NCAM2: variants seen among roughly 807,000 people sequenced by gnomAD.
NCAM2 encodes the protein neural cell adhesion molecule 2.
A neutral mutation model predicts 98.1 loss-of-function variants in NCAM2; 30 were observed. That is an observed-to-expected ratio of 0.31 (90% confidence interval 0.23 to 0.41). The LOEUF is 0.41. Among genes scored for constraint, NCAM2 ranks in the 10% least tolerant of loss-of-function variants. The pLI is 1.00. For synonymous variants in NCAM2, 368 were observed against 342.4 expected, an observed-to-expected ratio of 1.07 and a Z score of -0.83; for missense variants, 867 against 1,005.8, an observed-to-expected ratio of 0.86 and a Z score of 1.87.
At chr21:21,078,484 C>A (rs1321524321) in intron 1 of NCAM2, among the ~76,000 whole-genome samples, 2 of 152,116 alleles carry the variant, frequency 1.3e-5, no homozygotes, top group Admixed American at 6.5e-5. Flanking sequence ...AACCACAATG[C>A]AATACCATTG....
chr21:21,164,646 A>G (rs2067894532), intron 1 of NCAM2, among the ~76,000 whole-genome samples: 1 of 152,230 alleles, frequency 6.6e-6, no homozygotes, highest in Non-Finnish European at 1.5e-5. Context: ...ACTTTTCTTC[A>G]GATTTTTTAA....
chr21:21,453,203 A>C (rs1032002444), intron 12 of NCAM2, among the ~76,000 whole-genome samples: 15 of 149,152 alleles, frequency 1.0e-4, no homozygotes, highest in Middle Eastern at 3.5e-3. Flanking sequence ...AAGTATGAAG[A>C]AAAATGAAGC....
At chr21:21,118,595 A>C (rs902512686) in intron 1 of NCAM2, among the ~76,000 whole-genome samples, 2 of 152,054 alleles carry the variant, frequency 1.3e-5, no homozygotes, top group African/African-American at 4.8e-5. Context: ...GTAACTCTTA[A>C]ACAAAGGGTA....
intron 1 of NCAM2, among the ~76,000 whole-genome samples, chr21:21,241,277 T>TA (rs1285198180): frequency 9.2e-5 from 14 of 151,784 alleles, no homozygotes; most frequent in Admixed American, 2.0e-4. Flanking sequence ...TCATTGACCT[T>TA]AAAAAAAGAT....
At chr21:21,200,409 GA>G (rs34019227) in intron 1 of NCAM2, among the ~76,000 whole-genome samples, 48,866 of 134,622 alleles carry the variant, frequency 0.36, 9,341 homozygotes, top group Non-Finnish European at 0.43. Flanking sequence ...CCCCATGCCT[GA>G]AAAAAAAAAA....
intron 12 of NCAM2, among the ~76,000 whole-genome samples, chr21:21,465,827 A>G (rs1216257067): frequency 6.6e-6 from 1 of 152,074 alleles, no homozygotes; most frequent in Non-Finnish European, 1.5e-5. Context: ...GAAAGTGGCA[A>G]CTATAAAATT....
Position 21,150,044 on chromosome 21 carries a change from C to T in NCAM2, c.56-130534C>T, listed in dbSNP as rs1012909986. On this transcript the variant is annotated intron_variant, in intron 1 of 17. Coordinates refer to ENST00000400546, the MANE Select transcript of NCAM2 (RefSeq NM_004540.5). ...TACAGTCCCACCAACAGTGTAAAAG[C>T]GTCCCTATTTCTCCACAGCCTTCTA... Among the ~76,000 whole-genome samples the T allele has an allele frequency of 4.6e-5, 7 of 152,040 alleles. No homozygotes were observed. In the East Asian group the frequency reaches 5.8e-4, roughly 13 times the overall value.
intron 1 of NCAM2, among the ~76,000 whole-genome samples, chr21:21,171,981 G>A (rs576204527): frequency 2.0e-5 from 3 of 152,176 alleles, no homozygotes; most frequent in African/African-American, 4.8e-5. Flanking sequence ...ATCACTGTAA[G>A]CAAAATAAAT....
rs79057763 is a variant in NCAM2, at chr21:21,042,959, A to T, written c.55+44341A>T. ...AATCCAAATATCAATATCATCATTC[A>T]ATTTTGTTGTAACATGTACTGTCAA... On this transcript the variant is annotated intron_variant, in intron 1 of 17. Transcript: ENST00000400546. Among the ~76,000 whole-genome samples the T allele has an allele frequency of 9.6e-3, 1,459 of 152,318 alleles. 19 individuals carry two copies. The highest frequency in any genetic ancestry group is 0.034 in the African/African-American group (1,402 of 41,562).
intron 12 of NCAM2, among the ~76,000 whole-genome samples, chr21:21,441,458 T>C (rs1417406291): frequency 6.6e-6 from 1 of 152,232 alleles, no homozygotes; most frequent in Non-Finnish European, 1.5e-5. Context: ...ACTTAGTATA[T>C]ACTATTAGTG....
chr21:21,337,497 A>C (rs1347814942), intron 7 of NCAM2, among the ~76,000 whole-genome samples: 1 of 152,038 alleles, frequency 6.6e-6, no homozygotes, highest in African/African-American at 2.4e-5. Flanking sequence ...TTCTGAGCTT[A>C]AGAACAACTT....
rs532432005 is a variant in NCAM2, at chr21:21,475,104, C to T, written c.1897-2187C>T. 4.0e-5 allele frequency among the ~76,000 whole-genome samples: 6 copies of T among 151,786 alleles called. No individual in the cohort carries two copies. In the South Asian group the frequency reaches 1.3e-3, roughly 32 times the overall value. On this transcript the variant is annotated intron_variant, in intron 14 of 17. Transcript: ENST00000400546. ...GAAACAGCTACAGTGTTTGCTTATA[C>T]ATCTCCCAGTGATTATGCATCTAAG...
intron 1 of NCAM2, among the ~76,000 whole-genome samples, chr21:21,191,631 ATAATT>A (rs1001622047): frequency 3.9e-5 from 6 of 152,176 alleles, no homozygotes; most frequent in Non-Finnish European, 7.3e-5. Flanking sequence ...CAAATCAGAG[ATAATT>A]TAGATAGAGC....
intron 12 of NCAM2, among the ~76,000 whole-genome samples, chr21:21,445,662 CT>C (rs1005431861): frequency 1.1e-3 from 168 of 148,834 alleles, no homozygotes; most frequent in African/African-American, 3.8e-3. Flanking sequence ...ACAACTCCTG[CT>C]TTTTTTTTTC....
chr21:21,153,879 A>C (rs2067525507), intron 1 of NCAM2, among the ~76,000 whole-genome samples: 1 of 151,892 alleles, frequency 6.6e-6, no homozygotes, highest in Admixed American at 6.6e-5. Context: ...CTTTTAAAGT[A>C]GCTAGGTCAA....
At chr21:21,537,513 C>G (rs545197179) in intron 17 of NCAM2, among the ~76,000 whole-genome samples, 10 of 152,150 alleles carry the variant, frequency 6.6e-5, no homozygotes, top group Non-Finnish European at 1.3e-4. Context: ...GTTACCAAAT[C>G]TAAGCCACCC....
chr21:21,473,373 AATATAT>A (rs57318222), intron 14 of NCAM2, among the ~76,000 whole-genome samples: 148 of 140,492 alleles, frequency 1.1e-3, no homozygotes, highest in Non-Finnish European at 1.9e-3. Flanking sequence ...TATATGTATA[AATATAT>A]ATATATATAT....
At chr21:21,395,187 T>C (rs1460851119) in intron 9 of NCAM2, among the ~76,000 whole-genome samples, 1 of 151,942 alleles carries the variant, frequency 6.6e-6, no homozygotes, top group Non-Finnish European at 1.5e-5. Context: ...CAAAAAAAAT[T>C]AGCTGGGCCT....
intron 1 of NCAM2, among the ~76,000 whole-genome samples, chr21:21,034,035 A>C (rs927006125): frequency 6.8e-6 from 1 of 146,488 alleles, no homozygotes; most frequent in Non-Finnish European, 1.5e-5. Flanking sequence ...AGAGGTTGTG[A>C]GATAAGAGAT....
Sources: allele counts gnomAD v4.1 joint callset (sites outside exome capture counted in the v4.1 genomes callset), GRCh38; gene constraint gnomAD v4.1.1; transcripts MANE v1.5; gene names NCBI Gene and HGNC (gene_info 2026-07-23, HGNC 2026-07-21).